The following RAB5IF variants were observed in gnomAD, a reference collection of about 807,000 sequenced individuals.
RAB5IF encodes RAB5 interacting factor.
Under a neutral mutation model 20.3 loss-of-function variants are expected in RAB5IF, and 15 were observed. The observed-to-expected ratio is 0.74, with a 90% CI of 0.50 to 1.14. RAB5IF has a LOEUF of 1.14. Among genes scored for constraint, RAB5IF ranks in the 50% most tolerant of loss-of-function variants. The probability of loss-of-function intolerance (pLI) is 0.00; values close to 1 mark genes in which losing one functional copy is unlikely to be tolerated. For synonymous variants in RAB5IF, 67 were observed against 63.7 expected (o/e 1.05, Z -0.25); for missense variants, 148 against 159.5 (o/e 0.93, Z 0.39).
chr20:36,608,014 C>T, intron 2 of RAB5IF, 196 bp downstream of exon 2: 1 of 1,421,260 alleles, frequency 7.0e-7, no homozygotes, highest in Non-Finnish European at 9.4e-7. Flanking sequence ...AGGCAGGTTA[C>T]CTTCCTGCCT....
chr20:36,610,933 A>G (rs1853456298), intron 3 of RAB5IF, among the ~76,000 whole-genome samples: 1 of 152,138 alleles, frequency 6.6e-6, no homozygotes, highest in South Asian at 2.1e-4. Context: ...TTTTGGAGTA[A>G]TGTTTTGGAA....
At chr20:36,609,170 C>CACACACACACAT (rs2039017595) in intron 2 of RAB5IF, among the ~76,000 whole-genome samples, 1 of 42,428 alleles carries the variant, frequency 2.4e-5, no homozygotes, top group Non-Finnish European at 5.1e-5. Context: ...CACACACACA[C>CACACACACACAT]ACACACACAC....
At chr20:36,606,927 C>A (rs1007561880) in intron 1 of RAB5IF, among the ~76,000 whole-genome samples, 1 of 152,196 alleles carries the variant, frequency 6.6e-6, no homozygotes, top group Non-Finnish European at 1.5e-5. Flanking sequence ...GGAGGCACTT[C>A]CTGAAGGTGC....
chr20:36,607,387 C>G (rs2038959685), intron 1 of RAB5IF, among the ~76,000 whole-genome samples: 1 of 151,800 alleles, frequency 6.6e-6, no homozygotes, highest in Non-Finnish European at 1.5e-5. Context: ...CGCCACAACA[C>G]CCGGCTAATT....
chr20:36,612,167 C>A lies in RAB5IF; in HGVS notation c.*116C>A. 1 of 1,614,192 alleles carries A rather than the reference C, an allele frequency of 6.2e-7. No homozygotes were observed. The highest frequency in any genetic ancestry group is 8.5e-7 in the Non-Finnish European group (1 of 1,180,046). On this transcript the variant is annotated 3_prime_UTR_variant, in exon 4 of 4. Transcript: ENST00000344795. The stretch of plus-strand genomic sequence containing the variant: ...TTGGAACTTGGAAGACCCGTGTTTC[C>A]TGGACCGCGAATCAGTGTGTTGGGC...
intron 2 of RAB5IF, 34 bp downstream of exon 2, chr20:36,607,852 C>A: frequency 6.2e-7 from 1 of 1,611,304 alleles, no homozygotes; most frequent in Non-Finnish European, 8.5e-7. Flanking sequence ...TTCATGGTAT[C>A]ATTTCTTTTT....
rs201024816 is a variant in RAB5IF, at chr20:36,607,710, T to C, written c.115-5T>C. ...TAATTCTTGCATTTTCTGTCTTTTC[T>C]ACAGGATGAATTTTTAGATGTGATC... On this transcript the variant is annotated splice_polypyrimidine_tract_variant and splice_region_variant and intron_variant, in intron 1 of 3. Transcript: ENST00000344795. The C allele has an allele frequency of 2.4e-5, 39 of 1,613,750 alleles. No homozygotes were observed. Among genetic ancestry groups the C allele is most frequent in the Non-Finnish European group, 1.7e-6 (2 of 1,179,804 alleles).
At position 36,605,983 on chromosome 20, in the gene RAB5IF, C is replaced by T. The variant is rs776819537; in HGVS notation, c.32C>T (p.Pro11Leu). 240 of 1,521,518 alleles carry T rather than the reference C, an allele frequency of 1.6e-4. No homozygotes were observed. Among genetic ancestry groups the T allele is most frequent in the Non-Finnish European group, 2.0e-4 (228 of 1,131,880 alleles). The allele number at this position is 1,521,518 out of a possible 1,614,324, so 94.3% of individuals were successfully genotyped here. MSGGRRKEEP[P>L]QPQLANGALK... ...GGCGGGCGGCGGAAGGAGGAGCCGC[C>T]TCAGCCGCAGCTGGCCAACGGGGCC... The change falls in exon 1 of 4, where the codon CCT becomes CTT. Residue 11 changes from proline (P) to leucine (L), a missense_variant. Coordinates refer to ENST00000344795, the MANE Select transcript of RAB5IF (RefSeq NM_018840.5).
At chr20:36,606,458 C>T (rs1472130310) in intron 1 of RAB5IF, among the ~76,000 whole-genome samples, 2 of 152,210 alleles carry the variant, frequency 1.3e-5, no homozygotes, top group Non-Finnish European at 2.9e-5. Context: ...CAGTAACAGA[C>T]TTCTGCTGAG....
chr20:36,607,943 A>C lies in RAB5IF; in HGVS notation c.218+125A>C, dbSNP rs764654725. On this transcript the variant is annotated intron_variant, in intron 2 of 3. Transcript: ENST00000344795. ...TGTGTGTGTGATGACTAAAGCAAAG[A>C]AGCAGCCCTACAGTGGCACTCCTGG... 51 of 1,525,392 alleles carry C rather than the reference A, an allele frequency of 3.3e-5. No homozygotes were observed. In the African/African-American group the frequency reaches 3.6e-4, roughly 11 times the overall value. 94.5% of individuals were successfully genotyped at this position (1,525,392 alleles called of 1,614,324 possible).
At position 36,612,091 on chromosome 20, in the gene RAB5IF, G is replaced by A; in HGVS notation, c.*40G>A. ...CAAGTGCTCCCTATCCAGTCCAAAG[G>A]ACCCTCTTGATTACAGCACAGGAAC... is the stretch of plus-strand genomic sequence containing the variant. On this transcript the variant is annotated 3_prime_UTR_variant, in exon 4 of 4. Transcript: ENST00000344795. The A allele has an allele frequency of 6.2e-7, 1 of 1,614,154 alleles. No homozygotes were observed. Among genetic ancestry groups the A allele is most frequent in the Non-Finnish European group, 8.5e-7 (1 of 1,180,034 alleles).
chr20:36,606,115 C>T (rs768587667), intron 1 of RAB5IF, 50 bp downstream of exon 1: 8 of 1,147,278 alleles, frequency 7.0e-6, no homozygotes, highest in South Asian at 1.7e-5. Context: ...GGCTGGGACT[C>T]GGGGAACGGA....
chr20:36,609,156 T>TACATACATACACACAC lies in RAB5IF; in HGVS notation c.219-442_219-441insTACATACACACACACA. Among the ~76,000 whole-genome samples, 36 of 17,062 alleles carry TACATACATACACACAC rather than the reference T, an allele frequency of 2.1e-3. 3 individuals are homozygous for TACATACATACACACAC. Among genetic ancestry groups the TACATACATACACACAC allele is most frequent in the South Asian group, 4.5e-3 (2 of 440 alleles). The allele number at this position is 17,062 out of a possible 152,430, so 11.2% of individuals were successfully genotyped here. ...TTCAAGGGGCTTTGGAGAACTATAT[T>TACATACATACACACAC]ACACACACACACACACACACACACA... is the stretch of plus-strand genomic sequence containing the variant. On this transcript the variant is annotated intron_variant, in intron 2 of 3. Transcript: ENST00000344795.
In RAB5IF at chr20:36,605,898, C is replaced by G; in HGVS notation, c.-54C>G. The G allele has an allele frequency of 8.9e-7, 1 of 1,125,246 alleles. No homozygotes were observed. Among genetic ancestry groups the G allele is most frequent in the Non-Finnish European group, 1.2e-6 (1 of 837,084 alleles). The allele number at this position is 1,125,246 out of a possible 1,614,324, so 69.7% of individuals were successfully genotyped here. On this transcript the variant is annotated 5_prime_UTR_variant, in exon 1 of 4. Coordinates refer to ENST00000344795, the MANE Select transcript of RAB5IF (RefSeq NM_018840.5). ...TGACCTGCGACCCTAGACCCCGACT[C>G]CCTTTGGCTCAGCCCGCGCGCCCCA...
chr20:36,605,902 T>G lies in RAB5IF; in HGVS notation c.-50T>G. On this transcript the variant is annotated 5_prime_UTR_variant, in exon 1 of 4. Transcript: ENST00000344795. ...CTGCGACCCTAGACCCCGACTCCCT[T>G]TGGCTCAGCCCGCGCGCCCCAGGCC... The G allele has an allele frequency of 8.2e-7, 1 of 1,213,184 alleles. No individual in the cohort carries two copies. Among genetic ancestry groups the G allele is most frequent in the Non-Finnish European group, 1.1e-6 (1 of 914,960 alleles). The allele number at this position is 1,213,184 out of a possible 1,614,324, so 75.2% of individuals were successfully genotyped here.
chr20:36,607,259 C>CTTT (rs1157365481), intron 1 of RAB5IF, among the ~76,000 whole-genome samples: 17 of 132,888 alleles, frequency 1.3e-4, no homozygotes, highest in African/African-American at 3.7e-4. Flanking sequence ...CTAAATGTAT[C>CTTT]TTTTTTTTTT....
chr20:36,609,255 A>ACACACACT (rs1568595802), intron 2 of RAB5IF, among the ~76,000 whole-genome samples: 8 of 116,528 alleles, frequency 6.9e-5, no homozygotes, highest in South Asian at 2.9e-4. Context: ...ACACACACAC[A>ACACACACT]CTATATATAG....
intron 3 of RAB5IF, 143 bp from the exon 4 acceptor site, chr20:36,611,867 A>T: frequency 9.2e-7 from 1 of 1,086,724 alleles, no homozygotes; most frequent in Non-Finnish European, 1.4e-6. Context: ...TCAGTGAAAT[A>T]ATTTAGACCC....
At chr20:36,611,515 AC>A (rs986583167) in intron 3 of RAB5IF, among the ~76,000 whole-genome samples, 15 of 149,942 alleles carry the variant, frequency 1.0e-4, no homozygotes, top group African/African-American at 3.5e-4. Context: ...AAAAAAAAAA[AC>A]CACAAAACCT....
Sources: gnomAD v4.1 joint callset for allele counts (sites outside exome capture counted in the v4.1 genomes callset) on GRCh38, gnomAD v4.1.1 for gene constraint, MANE v1.5 for transcripts, NCBI Gene and HGNC (gene_info 2026-07-23, HGNC 2026-07-21) for gene names.